CIITA: variants seen among roughly 807,000 people sequenced by gnomAD.
CIITA encodes MHC class II transactivator.
CIITA carries 72 observed loss-of-function variants against 115.1 expected under a neutral mutation model. The observed-to-expected ratio is 0.63, with a 90% CI of 0.52 to 0.76. CIITA has a LOEUF of 0.76. Ranked by LOEUF, CIITA falls within the 30% of genes least tolerant of loss-of-function variation. The pLI, the probability that CIITA is intolerant of heterozygous loss-of-function variation, is 0.00. For missense variants in CIITA, 1,617 were observed against 1,463.8 expected, an observed-to-expected ratio of 1.10 and a Z score of -1.71; for synonymous variants, 763 against 635.6, an observed-to-expected ratio of 1.20 and a Z score of -3.02.
At chr16:10,908,921 C>A in intron 11 of CIITA, 108 bp from the exon 12 acceptor site, 1 of 1,519,864 alleles carries the variant, frequency 6.6e-7, no homozygotes, top group Non-Finnish European at 9.1e-7. Flanking sequence ...AGAGGTTGAG[C>A]TAAGGAAAGA....
chr16:10,903,976 C>A (rs1399829167), intron 9 of CIITA, 81 bp downstream of exon 9: 1 of 1,583,172 alleles, frequency 6.3e-7, no homozygotes, highest in Non-Finnish European at 8.7e-7. Flanking sequence ...ATAAGATCCA[C>A]AAGCAAAGCT....
chr16:10,890,429 G>A (rs974900852), intron 1 of CIITA, among the ~76,000 whole-genome samples: 2 of 152,124 alleles, frequency 1.3e-5, no homozygotes, highest in African/African-American at 2.4e-5. Flanking sequence ...TGGTTCTACA[G>A]ATGCACATCA....
upstream of CIITA, among the ~76,000 whole-genome samples, chr16:10,872,247 C>T (rs768378315): frequency 2.6e-5 from 4 of 151,962 alleles, no homozygotes; most frequent in Admixed American, 6.6e-5. Context: ...CTCAGCCTCC[C>T]GAGTAGCTAG....
chr16:10,882,556 T>A (rs2035163343), intron 1 of CIITA, among the ~76,000 whole-genome samples: 3 of 151,792 alleles, frequency 2.0e-5, no homozygotes, highest in Admixed American at 6.6e-5. Context: ...GAGCAAGACC[T>A]TTTTTTAGGA....
At chr16:10,885,810 T>C (rs1371297995) in intron 1 of CIITA, among the ~76,000 whole-genome samples, 6 of 152,156 alleles carry the variant, frequency 3.9e-5, no homozygotes, top group Non-Finnish European at 1.5e-5. Context: ...GGCCCTATTG[T>C]TGGTGAGCCA....
rs757999354 is a variant in CIITA, at chr16:10,906,908, G to A, written c.1416G>A (p.Leu472=). 6.2e-6 allele frequency: 10 copies of A among 1,613,372 alleles called. No homozygotes were observed. In the African/African-American group the frequency reaches 1.3e-4, roughly 22 times the overall value. The change falls in exon 11 of 20, where the codon CTG becomes CTA. Residue 472 remains leucine (L), a synonymous_variant. Coordinates refer to ENST00000324288, the MANE Select transcript of CIITA (RefSeq NM_000246.4). The part of the protein sequence containing the change: ...AYGLQDLLFS[L]GPQPLVAADE... The stretch of plus-strand genomic sequence containing the variant: ...GCCTGCAGGATCTGCTCTTCTCCCT[G>A]GGCCCACAGCCACTCGTGGCGGCCG...
upstream of CIITA, among the ~76,000 whole-genome samples, chr16:10,876,136 A>G (rs2035824018): frequency 6.6e-6 from 1 of 152,110 alleles, no homozygotes; most frequent in Non-Finnish European, 1.5e-5. Context: ...TAGCCTGGCA[A>G]TAAGAGTGAA....
chr16:10,879,281 G>A lies in CIITA; in HGVS notation c.52+1899G>A, dbSNP rs1239706721. Among the ~76,000 whole-genome samples, 1 of 152,204 alleles carries A rather than the reference G, an allele frequency of 6.6e-6. No homozygotes were observed. The highest frequency in any genetic ancestry group is 2.4e-5 in the African/African-American group (1 of 41,446). On this transcript the variant is annotated intron_variant, in intron 1 of 19. Coordinates refer to ENST00000324288, the MANE Select transcript of CIITA (RefSeq NM_000246.4). This position sits in a 1 kb window ranked among gnomAD's most constrained non-coding sequence, Gnocchi z 4.3. The stretch of plus-strand genomic sequence containing the variant: ...TGTGCCCAGAGCTCCGGGGCCGTGG[G>A]CGGGTGGCAGGAAAGCCTGGCGGCA...
At chr16:10,916,201 G>A (rs1304184699) in intron 14 of CIITA, among the ~76,000 whole-genome samples, 166 bp from the exon 15 acceptor site, 1 of 152,198 alleles carries the variant, frequency 6.6e-6, no homozygotes, top group Non-Finnish European at 1.5e-5. Context: ...CCCAGGTGAT[G>A]AAGTCCTCGT....
chr16:10,907,403 C>G lies in CIITA; in HGVS notation c.1911C>G (p.Leu637=). The G allele has an allele frequency of 6.2e-7, 1 of 1,613,246 alleles. No individual in the cohort carries two copies. The highest frequency in any genetic ancestry group is 8.5e-7 in the Non-Finnish European group (1 of 1,179,924). The change falls in exon 11 of 20, where the codon CTC becomes CTG. Residue 637 remains leucine, a synonymous_variant. Coordinates refer to ENST00000324288, the MANE Select transcript of CIITA (RefSeq NM_000246.4). This position sits in a 1 kb window ranked among gnomAD's most constrained non-coding sequence, Gnocchi z 5.0. ...AGGACGCCAAGCTGCCCTCCACGCTCACGGGACTCTATGTCGGCCTGCTGG... is the reference window on the plus strand; with the variant it reads ...AGGACGCCAAGCTGCCCTCCACGCTGACGGGACTCTATGTCGGCCTGCTGG... ...LGEDAKLPST[L]TGLYVGLLGR...
At chr16:10,916,324 C>T (rs1386308853) in intron 14 of CIITA, 43 bp from the exon 15 acceptor site, 6 of 1,592,476 alleles carry the variant, frequency 3.8e-6, no homozygotes, top group Middle Eastern at 1.7e-4. Context: ...GTCAGATGGC[C>T]CCAGGACGCT....
upstream of CIITA, among the ~76,000 whole-genome samples, chr16:10,873,437 T>C (rs534521837): frequency 2.6e-5 from 4 of 152,320 alleles, no homozygotes; most frequent in East Asian, 1.9e-4. Context: ...GCAAGTTTTG[T>C]AAAACACAGC....
intron 1 of CIITA, among the ~76,000 whole-genome samples, chr16:10,894,095 T>C (rs1338814893): frequency 6.6e-6 from 1 of 152,184 alleles, no homozygotes; most frequent in Non-Finnish European, 1.5e-5. Flanking sequence ...CAAGCGATTC[T>C]CCTGTCTCAG....
At chr16:10,914,471 C>T (rs746214170) in intron 13 of CIITA, among the ~76,000 whole-genome samples, 3 of 152,156 alleles carry the variant, frequency 2.0e-5, no homozygotes, top group Non-Finnish European at 4.4e-5. Context: ...AAACAAATAA[C>T]AACAAAATAC....
upstream of CIITA, among the ~76,000 whole-genome samples, chr16:10,876,904 C>T (rs2035884480): frequency 1.3e-5 from 2 of 152,310 alleles, no homozygotes; most frequent in South Asian, 4.1e-4. Context: ...ATATTGGCAG[C>T]TGGCACCAGT....
chr16:10,905,261 T>C (rs908327475), intron 10 of CIITA, among the ~76,000 whole-genome samples: 1 of 152,186 alleles, frequency 6.6e-6, no homozygotes, highest in Non-Finnish European at 1.5e-5. Flanking sequence ...ACAATCCCAA[T>C]ATTATCCCCA....
chr16:10,903,710 C>G (rs766396383), intron 8 of CIITA, 21 bp from the exon 9 acceptor site: 3 of 1,613,856 alleles, frequency 1.9e-6, no homozygotes, highest in African/African-American at 2.7e-5. Context: ...ATTCTCACAC[C>G]ACTCTCCACC....
chr16:10,875,488 C>T (rs919088339), upstream of CIITA, among the ~76,000 whole-genome samples: 41 of 152,108 alleles, frequency 2.7e-4, no homozygotes, highest in African/African-American at 9.7e-4. Context: ...AGGCCAAGGT[C>T]ACACACCTGC....
chr16:10,901,393 G>A lies in CIITA; in HGVS notation c.437-121G>A. ...AATGTTAGAGCGAGGGGAGGAAAATGGACCCCCAAGACCACTACCCAGCCT... is the reference window on the plus strand; with the variant it reads ...AATGTTAGAGCGAGGGGAGGAAAATAGACCCCCAAGACCACTACCCAGCCT... On this transcript the variant is annotated intron_variant, in intron 5 of 19. Coordinates refer to ENST00000324288, the MANE Select transcript of CIITA (RefSeq NM_000246.4). The surrounding 1 kb of genome is among the most constrained non-coding windows in gnomAD (Gnocchi z 6.8). 3 of 1,020,016 alleles carry A rather than the reference G, an allele frequency of 2.9e-6. No individual in the cohort carries two copies. Among genetic ancestry groups the A allele is most frequent in the Non-Finnish European group, 4.5e-6 (3 of 661,308 alleles). The allele number at this position is 1,020,016 out of a possible 1,614,324, so 63.2% of individuals were successfully genotyped here. A position where few individuals can be genotyped will look rare whatever the true frequency, so the allele number is the denominator to read the frequency against.
Sources: allele counts gnomAD v4.1 joint callset (sites outside exome capture counted in the v4.1 genomes callset), GRCh38; gene constraint gnomAD v4.1.1; non-coding constraint Gnocchi (gnomAD v3.1); transcripts MANE v1.5; gene names NCBI Gene and HGNC (gene_info 2026-07-23, HGNC 2026-07-21).